The following KRT72 variants were observed in gnomAD, a reference collection of about 807,000 sequenced individuals.
The protein encoded by KRT72 is keratin 72.
Under a neutral mutation model 44.7 loss-of-function variants are expected in KRT72, and 44 were observed. The observed-to-expected ratio is 0.98, with a 90% CI of 0.77 to 1.27. KRT72 has a LOEUF of 1.27. KRT72 is among the 50% of genes most tolerant of loss of function. The probability of loss-of-function intolerance (pLI) is 0.00; values close to 1 mark genes in which losing one functional copy is unlikely to be tolerated. For synonymous variants in KRT72, 302 were observed against 280.4 expected (o/e 1.08, Z -0.77); for missense variants, 736 against 667.1 (o/e 1.10, Z -1.14).
At chr12:52,592,634 A>C in intron 3 of KRT72, 143 bp from the exon 4 acceptor site, 1 of 668,686 alleles carries the variant, frequency 1.5e-6, no homozygotes, top group South Asian at 1.9e-5. Flanking sequence ...TCAGTCCCTG[A>C]GAGTAAACCA....
At chr12:52,588,866 C>T (rs1002994564) in intron 6 of KRT72, among the ~76,000 whole-genome samples, 4 of 151,900 alleles carry the variant, frequency 2.6e-5, no homozygotes, top group African/African-American at 7.3e-5. Context: ...AGTGATGGCA[C>T]GCAGCTGCCT....
Position 52,585,999 on chromosome 12 carries a change from T to C in KRT72, c.1519A>G (p.Lys507Glu). The change falls in exon 9 of 9, where the codon AAA becomes GAA. Residue 507 changes from lysine to glutamate, a missense_variant. Transcript: ENST00000293745. ...AKTSGSSCAT[K>E]KASR Reference sequence around the variant, plus strand: ...CTTGTCCATCATCTGGAGGCCTTTTTGGTGGCACAGCTGCTCCCCGAGGTT... The same window carrying C: ...CTTGTCCATCATCTGGAGGCCTTTTCGGTGGCACAGCTGCTCCCCGAGGTT... 2 of 1,613,464 alleles carry C rather than the reference T, an allele frequency of 1.2e-6. No homozygotes were observed. The highest frequency in any genetic ancestry group is 1.7e-6 in the Non-Finnish European group (2 of 1,179,604).
upstream of KRT72, among the ~76,000 whole-genome samples, chr12:52,602,762 A>G (rs1185211055): frequency 6.6e-6 from 1 of 152,202 alleles, no homozygotes; most frequent in Non-Finnish European, 1.5e-5. Flanking sequence ...ACCTTCAGTG[A>G]TACCCTGAAG....
intron 5 of KRT72, among the ~76,000 whole-genome samples, 187 bp from the exon 6 acceptor site, chr12:52,591,148 C>A (rs1940000134): frequency 6.6e-6 from 1 of 152,190 alleles, no homozygotes; most frequent in Non-Finnish European, 1.5e-5. Flanking sequence ...GAAGATAAGA[C>A]AATATATGTG....
At chr12:52,592,977 A>G in intron 2 of KRT72, 25 bp from the exon 3 acceptor site, 1 of 1,605,238 alleles carries the variant, frequency 6.2e-7, no homozygotes, top group Non-Finnish European at 8.5e-7. Context: ...ACAATGAGGT[A>G]ATTCAGTTCT....
At position 52,591,685 on chromosome 12, in the gene KRT72, T is replaced by C. The variant is rs1406403551; in HGVS notation, c.799-57A>G. 12 of 1,516,476 alleles carry C rather than the reference T, an allele frequency of 7.9e-6. No homozygotes were observed. In the Admixed American group the frequency reaches 2.1e-4, roughly 26 times the overall value. 93.9% of individuals were successfully genotyped at this position (1,516,476 alleles called of 1,614,324 possible). Reference sequence around the variant, plus strand: ...AGGGGTACTCATGAGGAACCAGTTCTCTTGGTCCTCCCTGGGCAAATTCCT... The same window carrying C: ...AGGGGTACTCATGAGGAACCAGTTCCCTTGGTCCTCCCTGGGCAAATTCCT... On this transcript the variant is annotated intron_variant, in intron 4 of 8. Coordinates refer to ENST00000293745, the MANE Select transcript of KRT72 (RefSeq NM_080747.3).
intron 2 of KRT72, among the ~76,000 whole-genome samples, chr12:52,597,502 A>G (rs560768541): frequency 6.6e-6 from 1 of 152,344 alleles, no homozygotes; most frequent in South Asian, 2.1e-4. Flanking sequence ...TATTTATTGT[A>G]CCCCTTACTA....
chr12:52,592,532 C>T, intron 3 of KRT72, 41 bp from the exon 4 acceptor site: 3 of 1,407,450 alleles, frequency 2.1e-6, no homozygotes, highest in Non-Finnish European at 3.0e-6. Context: ...AGAGGGCCTC[C>T]CCTGCCCATC....
Position 52,601,327 on chromosome 12 carries a change from G to A in KRT72, c.126C>T (p.Ala42=). The A allele has an allele frequency of 6.5e-7, 1 of 1,545,654 alleles. No homozygotes were observed. Among genetic ancestry groups the A allele is most frequent in the African/African-American group, 1.4e-5 (1 of 72,666 alleles). ...AGGAGAGGCTCTTGCTGCCAAAGGAGGCCGAGCCCTTGACCCGGGCCCGGA... is the reference window on the plus strand; with the variant it reads ...AGGAGAGGCTCTTGCTGCCAAAGGAAGCCGAGCCCTTGACCCGGGCCCGGA... ...ASFRARVKGS[A]SFGSKSLSCL... Residue 42 remains alanine, a synonymous_variant, in exon 1 of 9, where the codon GCC becomes GCT. Coordinates refer to ENST00000293745, the MANE Select transcript of KRT72 (RefSeq NM_080747.3).
At chr12:52,602,352 A>G (rs1024358724), upstream of KRT72, among the ~76,000 whole-genome samples, 1 of 152,216 alleles carries the variant, frequency 6.6e-6, no homozygotes, top group Admixed American at 6.5e-5. Context: ...TTTCTGATTC[A>G]GCATCAAAAT....
chr12:52,601,924 A>C (rs1344064778), upstream of KRT72, among the ~76,000 whole-genome samples: 1 of 152,180 alleles, frequency 6.6e-6, no homozygotes, highest in South Asian at 2.1e-4. Flanking sequence ...CTATCGCAGA[A>C]AATCATCCTT....
intron 1 of KRT72, 113 bp downstream of exon 1, chr12:52,600,914 G>T: frequency 9.0e-7 from 1 of 1,110,592 alleles, no homozygotes; most frequent in Non-Finnish European, 1.3e-6. Flanking sequence ...GGAAAAGGGA[G>T]GCTCGGAGAG....
rs1939834019 is a variant in KRT72 at position 52,587,762 on chromosome 12, C to G, written c.1179G>C (p.Glu393Asp). The change falls in exon 7 of 9, where the codon GAG becomes GAC. Residue 393 changes from glutamate (E) to aspartate (D), a missense_variant. Coordinates refer to ENST00000293745, the MANE Select transcript of KRT72 (RefSeq NM_080747.3). ...KDARAKLDEL[E>D]GALHQAKEEL... The stretch of plus-strand genomic sequence containing the variant: ...CCTCCTTGGCCTGGTGCAGGGCGCC[C>G]TCCAGCTCATCCAGCTTGGCCCGGG... 6.2e-7 allele frequency: 1 copy of G among 1,614,078 alleles called. No individual in the cohort carries two copies. The highest frequency in any genetic ancestry group is 8.5e-7 in the Non-Finnish European group (1 of 1,180,042).
chr12:52,600,940 C>T (rs1438830024), intron 1 of KRT72, 87 bp downstream of exon 1: 71 of 1,445,254 alleles, frequency 4.9e-5, no homozygotes, highest in Non-Finnish European at 6.4e-5. Context: ...GACCCGCCCA[C>T]GCTCCCACAC....
rs1404983636 is a variant in KRT72, at chr12:52,586,005, C to G, written c.1513G>C (p.Ala505Pro). 1.9e-6 allele frequency: 3 copies of G among 1,613,388 alleles called. No homozygotes were observed. Among genetic ancestry groups the G allele is most frequent in the Non-Finnish European group, 2.5e-6 (3 of 1,179,732 alleles). ...PLAKTSGSSC[A>P]TKKASR is the part of the protein sequence containing the mutation. ...CATCATCTGGAGGCCTTTTTGGTGGCACAGCTGCTCCCCGAGGTTTTGGCA... is the reference window on the plus strand; with the variant it reads ...CATCATCTGGAGGCCTTTTTGGTGGGACAGCTGCTCCCCGAGGTTTTGGCA... Residue 505 changes from alanine to proline, a missense_variant, in exon 9 of 9, where the codon GCC (alanine) becomes CCC (proline). By Grantham distance (27) the Ala-to-Pro change is conservative (BLOSUM62 -1). Transcript: ENST00000293745.
At chr12:52,591,765 G>A (rs967002772) in intron 4 of KRT72, 137 bp from the exon 5 acceptor site, 3 of 809,534 alleles carry the variant, frequency 3.7e-6, no homozygotes, top group Non-Finnish European at 5.9e-6. Flanking sequence ...ACCAGTGCCT[G>A]GCAGGCACGT....
At chr12:52,598,270 A>G (rs1318851645) in intron 2 of KRT72, among the ~76,000 whole-genome samples, 1 of 152,226 alleles carries the variant, frequency 6.6e-6, no homozygotes, top group African/African-American at 2.4e-5. Flanking sequence ...AGCAAGAGAA[A>G]GAACTCAGCT....
At position 52,599,753 on chromosome 12, in the gene KRT72, T is replaced by C. The variant is rs529239684; in HGVS notation, c.427-641A>G. On this transcript the variant is annotated intron_variant, in intron 1 of 8. Transcript: ENST00000293745. ...GCCTCTGGAATAGCTGCTGTGTTTC[T>C]TCCATGCAGACCTGTGCCCTCCCGC... 3.9e-5 allele frequency among the ~76,000 whole-genome samples: 6 copies of C among 152,292 alleles called. No individual in the cohort carries two copies. In the East Asian group the frequency reaches 1.2e-3, roughly 29 times the overall value.
chr12:52,601,701 C>T (rs1940471760), upstream of KRT72: 3 of 526,362 alleles, frequency 5.7e-6, no homozygotes, highest in East Asian at 1.1e-4. Context: ...GACCCAGAAC[C>T]CAGCATTTAC....
Sources: gnomAD v4.1 joint callset for allele counts (sites outside exome capture counted in the v4.1 genomes callset) on GRCh38, gnomAD v4.1.1 for gene constraint, MANE v1.5 for transcripts, NCBI Gene and HGNC (gene_info 2026-07-23, HGNC 2026-07-21) for gene names.